PARD3B: variants seen among roughly 807,000 people sequenced by gnomAD.
PARD3B encodes the protein par-3 family cell polarity regulator beta.
A neutral mutation model predicts 130.2 loss-of-function variants in PARD3B; 103 were observed. The ratio of observed to expected loss-of-function variants is 0.79; its 90% confidence interval spans 0.67 to 0.93. The LOEUF is 0.93. Ranked by LOEUF, PARD3B falls within the 40% of genes least tolerant of loss-of-function variation. PARD3B has a pLI of 0.00. For synonymous variants in PARD3B, 583 were observed against 553.2 expected, an observed-to-expected ratio of 1.05 and a Z score of -0.76; for missense variants, 1,609 against 1,499.2, an observed-to-expected ratio of 1.07 and a Z score of -1.21.
intron 1 of PARD3B, among the ~76,000 whole-genome samples, chr2:204,625,424 A>G (rs1202090396): frequency 6.6e-6 from 1 of 152,202 alleles, no homozygotes; most frequent in Non-Finnish European, 1.5e-5. Flanking sequence ...TCATGTAGAA[A>G]GCATCACTCT....
intron 4 of PARD3B, among the ~76,000 whole-genome samples, chr2:205,085,563 A>G (rs1701693336): frequency 6.6e-6 from 1 of 151,984 alleles, no homozygotes; most frequent in Admixed American, 6.6e-5. Flanking sequence ...ATTATCCATG[A>G]TATGATTTTT....
At chr2:205,611,233 G>A (rs1160633818) in intron 22 of PARD3B, among the ~76,000 whole-genome samples, 2 of 152,206 alleles carry the variant, frequency 1.3e-5, no homozygotes, top group Non-Finnish European at 2.9e-5. Flanking sequence ...GTTCCAGTAA[G>A]TACAGCCACC....
In PARD3B at chr2:204,745,446, G is replaced by C. The variant is rs76752281; in HGVS notation, c.222+59164G>C. ...GTTACGGAGTTTTGCTCTGTCACCT[G>C]GGCTGGAGTGCAACTGTGCGATCTC... On this transcript the variant is annotated intron_variant, in intron 2 of 22. Coordinates refer to ENST00000406610, the MANE Select transcript of PARD3B (RefSeq NM_001302769.2). 8.8e-3 allele frequency among the ~76,000 whole-genome samples: 1,333 copies of C among 150,966 alleles called. 13 individuals are homozygous for C. Among genetic ancestry groups the C allele is most frequent in the African/African-American group, 0.03 (1,214 of 41,056 alleles).
In PARD3B at chr2:205,497,590, C is replaced by A. The variant is rs544721604; in HGVS notation, c.3045-2306C>A. Among the ~76,000 whole-genome samples, 4 of 152,136 alleles carry A rather than the reference C, an allele frequency of 2.6e-5. No homozygotes were observed. In the South Asian group the frequency reaches 8.3e-4, roughly 32 times the overall value. On this transcript the variant is annotated intron_variant, in intron 20 of 22. Coordinates refer to ENST00000406610, the MANE Select transcript of PARD3B (RefSeq NM_001302769.2). Reference sequence around the variant, plus strand: ...TTGGGGTTCTTTTTGACATGCAAAGCTCTTCACGCTGGGGCTCTACCTACC... The same window carrying A: ...TTGGGGTTCTTTTTGACATGCAAAGATCTTCACGCTGGGGCTCTACCTACC...
chr2:204,935,919 A>G (rs1469575191), intron 2 of PARD3B, among the ~76,000 whole-genome samples: 1 of 152,236 alleles, frequency 6.6e-6, no homozygotes, highest in Admixed American at 6.5e-5. Flanking sequence ...TAGTTCCCAG[A>G]AAGCCCACCT....
intron 3 of PARD3B, among the ~76,000 whole-genome samples, chr2:204,978,942 G>A (rs1332587587): frequency 2.3e-5 from 3 of 129,270 alleles, no homozygotes; most frequent in Non-Finnish European, 4.7e-5. Context: ...CCAGCCTGGA[G>A]AGACAAAATG....
At chr2:205,256,720 A>G (rs1466330482) in intron 16 of PARD3B, among the ~76,000 whole-genome samples, 1 of 152,198 alleles carries the variant, frequency 6.6e-6, no homozygotes, top group Admixed American at 6.5e-5. Context: ...AAGATCTAGC[A>G]TGGGGACTGG....
Position 204,916,022 on chromosome 2 carries a change from T to C in PARD3B, c.223-49130T>C, listed in dbSNP as rs899124011. Among the ~76,000 whole-genome samples the C allele has an allele frequency of 3.9e-5, 6 of 152,220 alleles. No individual in the cohort carries two copies. In the East Asian group the frequency reaches 9.6e-4, roughly 24 times the overall value. ...CAGTAGCTGCCCCAGTCATATTATATAGATGGCTTCAGTCAAGGGAGAGTG... is the reference window on the plus strand; with the variant it reads ...CAGTAGCTGCCCCAGTCATATTATACAGATGGCTTCAGTCAAGGGAGAGTG... On this transcript the variant is annotated intron_variant, in intron 2 of 22. Coordinates refer to ENST00000406610, the MANE Select transcript of PARD3B (RefSeq NM_001302769.2).
At chr2:205,135,587 TC>T (rs1491190288) in intron 10 of PARD3B, among the ~76,000 whole-genome samples, 1 of 146,350 alleles carries the variant, frequency 6.8e-6, no homozygotes. Flanking sequence ...TTTTTTTTTT[TC>T]CCTAAGGGCT....
At chr2:205,382,071 A>C (rs2105947518) in intron 18 of PARD3B, among the ~76,000 whole-genome samples, 1 of 152,238 alleles carries the variant, frequency 6.6e-6, no homozygotes, top group Admixed American at 6.6e-5. Flanking sequence ...TAAGAAATTA[A>C]CATGGTTACA....
intron 10 of PARD3B, among the ~76,000 whole-genome samples, chr2:205,149,664 A>C (rs1257282303): frequency 2.6e-5 from 4 of 152,162 alleles, no homozygotes; most frequent in Admixed American, 2.0e-4. Flanking sequence ...CCTCACAGTA[A>C]AAACTGCCAC....
intron 2 of PARD3B, among the ~76,000 whole-genome samples, chr2:204,691,943 A>C (rs1271318011): frequency 6.6e-6 from 1 of 152,126 alleles, no homozygotes; most frequent in Non-Finnish European, 1.5e-5. Context: ...TGGAAATGAG[A>C]ATCCTTTTAT....
intron 22 of PARD3B, among the ~76,000 whole-genome samples, chr2:205,596,963 C>T (rs539361864): frequency 8.1e-4 from 123 of 152,218 alleles, no homozygotes; most frequent in African/African-American, 2.8e-3. Flanking sequence ...CGGCACTCCT[C>T]ATTTTTACAT....
At chr2:205,075,450 A>G (rs1376608983) in intron 4 of PARD3B, among the ~76,000 whole-genome samples, 2 of 152,056 alleles carry the variant, frequency 1.3e-5, no homozygotes, top group African/African-American at 2.4e-5. Flanking sequence ...ACTTAGCTCA[A>G]TAACATTTTA....
chr2:205,105,030 G>T lies in PARD3B; in HGVS notation c.593+516G>T, dbSNP rs1703104347. On this transcript the variant is annotated intron_variant, in intron 5 of 22. Transcript: ENST00000406610. The surrounding 1 kb of genome is among the most constrained non-coding windows in gnomAD (Gnocchi z 4.0). ...GGCAACTCATTTGCTGTCAGTGGCT[G>T]CCATGTTTCCCAGTACTTTCTTTGC... Among the ~76,000 whole-genome samples the T allele has an allele frequency of 6.6e-6, 1 of 152,132 alleles. No homozygotes were observed. Among genetic ancestry groups the T allele is most frequent in the African/African-American group, 2.4e-5 (1 of 41,424 alleles).
At position 204,567,899 on chromosome 2, in the gene PARD3B, T is replaced by C. The variant is rs562235385; in HGVS notation, c.120+21780T>C. ...ATTTCTGTTTTAATAGCCATTCTAA[T>C]GGGTGTGAAGTGTCTAATCTCTTTT... On this transcript the variant is annotated intron_variant, in intron 1 of 22. Coordinates refer to ENST00000406610, the MANE Select transcript of PARD3B (RefSeq NM_001302769.2). 2.0e-5 allele frequency among the ~76,000 whole-genome samples: 3 copies of C among 152,374 alleles called. No individual in the cohort carries two copies. The South Asian group carries it at 6.2e-4, about 32-fold the overall frequency.
chr2:204,964,824 G>C (rs1691085016), intron 2 of PARD3B, among the ~76,000 whole-genome samples: 1 of 152,072 alleles, frequency 6.6e-6, no homozygotes, highest in African/African-American at 2.4e-5. Context: ...AGTTAATGAA[G>C]TCATTTTAGG....
chr2:204,647,869 T>C (rs985029106), intron 1 of PARD3B, among the ~76,000 whole-genome samples: 2 of 151,824 alleles, frequency 1.3e-5, no homozygotes, highest in South Asian at 2.1e-4. Context: ...AAGGAGATAT[T>C]AAACTTTGAG....
At chr2:204,705,237 T>A (rs1206201917) in intron 2 of PARD3B, among the ~76,000 whole-genome samples, 2 of 152,196 alleles carry the variant, frequency 1.3e-5, no homozygotes, top group African/African-American at 4.8e-5. Flanking sequence ...ACTGGTGATA[T>A]GAGGGAAACG....
Sources: allele counts gnomAD v4.1 joint callset (sites outside exome capture counted in the v4.1 genomes callset), GRCh38; gene constraint gnomAD v4.1.1; non-coding constraint Gnocchi (gnomAD v3.1); transcripts MANE v1.5; gene names NCBI Gene and HGNC (gene_info 2026-07-23, HGNC 2026-07-21).